Variants in PKHD1 observed in about 807,000 individuals in gnomAD.
PKHD1 encodes fibrocystin.
Under a neutral mutation model 412.0 loss-of-function variants are expected in PKHD1, and 291 were observed. The observed-to-expected ratio is 0.71, with a 90% CI of 0.64 to 0.78. The LOEUF is 0.78. PKHD1 is among the 30% of genes least tolerant of loss of function. PKHD1 has a pLI of 0.00. For synonymous variants in PKHD1, 1,777 were observed against 1,821.5 expected (o/e 0.98, Z 0.62); for missense variants, 4,825 against 4,950.7 (o/e 0.97, Z 0.76).
In PKHD1 at chr6:52,022,927, G is replaced by C; in HGVS notation, c.5254C>G (p.Leu1752Val). The C allele has an allele frequency of 6.2e-7, 1 of 1,614,042 alleles. No homozygotes were observed. ...AATCCCGCTCCAAACACATGCACCA[G>C]CCTTCCACCCAGGCAGCCTTTAAAG... ...TENFGCLGGR[L>V]VHVFGAGFSP... The change falls in exon 33 of 67, where the codon CTG becomes GTG. Residue 1752 changes from leucine (L) to valine (V), a missense_variant. Leu to Val is a conservative substitution (Grantham distance 32). Coordinates refer to ENST00000371117, the MANE Select transcript of PKHD1 (RefSeq NM_138694.4).
At chr6:51,682,506 C>T (rs1776823058) in intron 60 of PKHD1, among the ~76,000 whole-genome samples, 1 of 152,020 alleles carries the variant, frequency 6.6e-6, no homozygotes, top group South Asian at 2.1e-4. Context: ...TTGGGATGCT[C>T]TAGTCTCTGA....
chr6:51,926,080 C>T (rs1785563890), intron 37 of PKHD1, among the ~76,000 whole-genome samples: 1 of 150,886 alleles, frequency 6.6e-6, no homozygotes, highest in Non-Finnish European at 1.5e-5. Flanking sequence ...TTACATAATA[C>T]ATTAAATAAT....
At chr6:51,920,185 G>A (rs1561880747) in intron 37 of PKHD1, among the ~76,000 whole-genome samples, 1 of 152,254 alleles carries the variant, frequency 6.6e-6, no homozygotes, top group Admixed American at 6.5e-5. Flanking sequence ...TGGTGAGAGA[G>A]GGCATCCCTG....
At chr6:51,886,057 G>C in intron 44 of PKHD1, 85 bp from the exon 45 acceptor site, 1 of 844,866 alleles carries the variant, frequency 1.2e-6, no homozygotes, top group African/African-American at 1.7e-5. Context: ...CAAAGTAAAA[G>C]TAATGTATTA....
chr6:51,659,605 G>T lies in PKHD1; in HGVS notation c.10521C>A (p.His3507Gln), dbSNP rs34460237. 6.2e-7 allele frequency: 1 copy of T among 1,613,422 alleles called. No homozygotes were observed. Among genetic ancestry groups the T allele is most frequent in the East Asian group, 2.2e-5 (1 of 44,838 alleles). The change falls in exon 61 of 67, where the codon CAC becomes CAA. Residue 3507 changes from histidine to glutamine, a missense_variant. By Grantham distance (24) the His-to-Gln change is conservative. Coordinates refer to ENST00000371117, the MANE Select transcript of PKHD1 (RefSeq NM_138694.4). ...AVFYHELQSP[H>Q]VFLGESFIPP... The stretch of plus-strand genomic sequence containing the variant: ...GAATAAAACTTTCCCCTAAGAAGAC[G>T]TGGGGGCTCTGGAGCTCATGGTAGA...
At chr6:51,912,719 A>G in intron 37 of PKHD1, 143 bp from the exon 38 acceptor site, 1 of 672,438 alleles carries the variant, frequency 1.5e-6, no homozygotes, top group Non-Finnish European at 2.7e-6. Flanking sequence ...AGGATAGGTA[A>G]GCACTAATTT....
At chr6:52,070,648 A>G (rs761098533) in intron 9 of PKHD1, among the ~76,000 whole-genome samples, 4 of 152,158 alleles carry the variant, frequency 2.6e-5, no homozygotes, top group Admixed American at 6.5e-5. Context: ...GTTTAGCATC[A>G]TTAGCAATGT....
intron 10 of PKHD1, 56 bp from the exon 11 acceptor site, chr6:52,069,583 T>C: frequency 1.5e-6 from 2 of 1,349,990 alleles, no homozygotes; most frequent in Admixed American, 1.7e-5. Flanking sequence ...GATTGCATTT[T>C]TTTTAGTCGG....
In PKHD1 at chr6:51,929,124, G is replaced by A. The variant is rs545752960; in HGVS notation, c.6121+4986C>T. On this transcript the variant is annotated intron_variant, in intron 37 of 66. Transcript: ENST00000371117. ...CATTGGAGACTATTAATCAGGTGAC[G>A]AGAGAGTGGAGATTTAAAAATATAT... is the stretch of plus-strand genomic sequence containing the variant. Among the ~76,000 whole-genome samples the A allele has an allele frequency of 4.6e-5, 7 of 152,286 alleles. No homozygotes were observed. In the East Asian group the frequency reaches 9.6e-4, roughly 21 times the overall value.
chr6:51,789,914 T>G (rs1793474642), intron 53 of PKHD1, among the ~76,000 whole-genome samples: 1 of 152,152 alleles, frequency 6.6e-6, no homozygotes, highest in African/African-American at 2.4e-5. Context: ...GAAGATAGAT[T>G]TTAGCTTAAT....
At chr6:51,857,848 T>C (rs1441330270) in intron 48 of PKHD1, among the ~76,000 whole-genome samples, 2 of 152,190 alleles carry the variant, frequency 1.3e-5, no homozygotes, top group African/African-American at 4.8e-5. Context: ...GTTTCATCCA[T>C]GAACTAATGA....
intron 43 of PKHD1, among the ~76,000 whole-genome samples, chr6:51,901,753 A>T (rs4715260): frequency 0.34 from 51,681 of 151,522 alleles, 9,803 homozygotes; most frequent in East Asian, 0.74. Flanking sequence ...ATACCTAATG[A>T]ATCTACATTA....
intron 59 of PKHD1, among the ~76,000 whole-genome samples, chr6:51,746,315 C>A (rs1395547418): frequency 6.6e-6 from 1 of 152,152 alleles, no homozygotes; most frequent in African/African-American, 2.4e-5. Flanking sequence ...CACTTTACTC[C>A]AATGAAGAAT....
At chr6:51,649,494 A>C (rs2150368513) in intron 61 of PKHD1, among the ~76,000 whole-genome samples, 1 of 152,278 alleles carries the variant, frequency 6.6e-6, no homozygotes, top group Non-Finnish European at 1.5e-5. Context: ...AAAATCAGCC[A>C]AAAAATAAAA....
At chr6:51,756,296 G>T (rs752101491) in intron 55 of PKHD1, among the ~76,000 whole-genome samples, 4 of 152,102 alleles carry the variant, frequency 2.6e-5, no homozygotes, top group Non-Finnish European at 4.4e-5. Flanking sequence ...AGGAAACTAA[G>T]TTCCAAATAG....
In PKHD1 at chr6:51,669,069, T is replaced by C. The variant is rs1364476346; in HGVS notation, c.10157-9100A>G. Among the ~76,000 whole-genome samples the C allele has an allele frequency of 2.0e-5, 3 of 152,220 alleles. No homozygotes were observed. The East Asian group carries it at 5.8e-4, about 29-fold the overall frequency. ...GATGATGCTGGCCTCATAAAATGAG[T>C]TAGGGAGGATTCCCTCTTTTTCTAT... On this transcript the variant is annotated intron_variant, in intron 60 of 66. Coordinates refer to ENST00000371117, the MANE Select transcript of PKHD1 (RefSeq NM_138694.4).
chr6:52,084,533 A>G (rs1156813737), intron 2 of PKHD1, among the ~76,000 whole-genome samples: 10 of 152,256 alleles, frequency 6.6e-5, no homozygotes, highest in Non-Finnish European at 1.2e-4. Context: ...ATAGCCCAAA[A>G]GGAATTATAA....
intron 52 of PKHD1, among the ~76,000 whole-genome samples, chr6:51,803,040 A>G (rs1326577): frequency 0.6 from 90,578 of 150,706 alleles, 28,276 homozygotes; most frequent in East Asian, 0.83. Context: ...TATCTGAGTA[A>G]CAAATATTTA....
chr6:51,625,906 C>T (rs891907992), intron 66 of PKHD1, among the ~76,000 whole-genome samples: 7 of 152,126 alleles, frequency 4.6e-5, no homozygotes, highest in African/African-American at 1.7e-4. Context: ...ATTCCCATCC[C>T]CTTCTCTCTT....
Sources: gnomAD v4.1 joint callset for allele counts (sites outside exome capture counted in the v4.1 genomes callset) on GRCh38, gnomAD v4.1.1 for gene constraint, MANE v1.5 for transcripts, NCBI Gene and HGNC (gene_info 2026-07-23, HGNC 2026-07-21) for gene names.